Variants in PDSS1 observed in about 807,000 individuals in gnomAD.
PDSS1 encodes decaprenyl diphosphate synthase subunit 1.
PDSS1 carries 43 observed loss-of-function variants against 57.5 expected under a neutral mutation model. The ratio of observed to expected loss-of-function variants is 0.75; its 90% confidence interval spans 0.59 to 0.96. PDSS1 has a LOEUF of 0.96. Ranked by LOEUF, PDSS1 falls within the 50% of genes least tolerant of loss-of-function variation. The pLI, the probability that PDSS1 is intolerant of heterozygous loss-of-function variation, is 0.00. For missense variants in PDSS1, 438 were observed against 527.8 expected (o/e 0.83, Z 1.67); for synonymous variants, 175 against 191.3 (o/e 0.91, Z 0.70).
chr10:26,742,126 C>G (rs908614444), intron 10 of PDSS1, among the ~76,000 whole-genome samples: 1 of 152,252 alleles, frequency 6.6e-6, no homozygotes, highest in African/African-American at 2.4e-5. Context: ...ATCCGCCCAC[C>G]TCGGCCTCCC....
chr10:26,742,948 T>TCATCCATGTCCC (rs1326132313), intron 11 of PDSS1, among the ~76,000 whole-genome samples: 1 of 152,184 alleles, frequency 6.6e-6, no homozygotes, highest in Non-Finnish European at 1.5e-5. Context: ...GGCTCCAGCC[T>TCATCCATGTCCC]CATCCATGTC....
At chr10:26,744,540 G>C (rs543995448) in intron 11 of PDSS1, among the ~76,000 whole-genome samples, 1 of 151,976 alleles carries the variant, frequency 6.6e-6, no homozygotes, top group Non-Finnish European at 1.5e-5. Flanking sequence ...ACAGGCACCC[G>C]CCACCACGCC....
intron 6 of PDSS1, among the ~76,000 whole-genome samples, chr10:26,721,494 T>C (rs1835784768): frequency 6.6e-6 from 1 of 152,094 alleles, no homozygotes; most frequent in Admixed American, 6.6e-5. Flanking sequence ...GCTGGTTTTA[T>C]TTGAACATAA....
intron 8 of PDSS1, among the ~76,000 whole-genome samples, chr10:26,732,547 C>T (rs1836248492): frequency 1.3e-5 from 2 of 152,204 alleles, no homozygotes; most frequent in South Asian, 4.1e-4. Flanking sequence ...AGAACAGTGT[C>T]TGGAGCCAGA....
At chr10:26,698,014 C>G (rs2132197137) in intron 1 of PDSS1, among the ~76,000 whole-genome samples, 174 bp downstream of exon 1, 1 of 151,790 alleles carries the variant, frequency 6.6e-6, no homozygotes, top group East Asian at 2.0e-4. Flanking sequence ...CGCGGTGGGA[C>G]GGAGCCGCGC....
At chr10:26,714,057 G>A (rs1383902875) in intron 5 of PDSS1, among the ~76,000 whole-genome samples, 1 of 152,106 alleles carries the variant, frequency 6.6e-6, no homozygotes, top group East Asian at 1.9e-4. Flanking sequence ...AATCCCAAGG[G>A]ATAATCCCGA....
At chr10:26,727,574 C>G (rs945302742) in intron 8 of PDSS1, among the ~76,000 whole-genome samples, 1 of 151,370 alleles carries the variant, frequency 6.6e-6, no homozygotes, top group Admixed American at 6.6e-5. Flanking sequence ...CAGCTCACTG[C>G]AACCTCCACC....
rs1279433333 is a variant in PDSS1, at chr10:26,705,372, G to A, written c.314G>A (p.Gly105Asp). Residue 105 changes from glycine to aspartate, a missense_variant, in exon 4 of 12, where the codon GGT becomes GAT. By Grantham distance (94) the Gly-to-Asp change is moderately conservative (BLOSUM62 -1). This residue lies in a region of PDSS1 where 284 missense variants were observed against 390.7 expected (regional missense o/e 0.73). Transcript: ENST00000376215. ...PFKLGWRDLK[G>D]LYEDIRKELL... ...AAACTCGGTTGGAGAGACTTGAAAGGTCTGTATGAGGACATTAGAAAGGTG... is the reference window on the plus strand; with the variant it reads ...AAACTCGGTTGGAGAGACTTGAAAGATCTGTATGAGGACATTAGAAAGGTG... 6.3e-7 allele frequency: 1 copy of A among 1,595,056 alleles called. No individual in the cohort carries two copies. The highest frequency in any genetic ancestry group is 8.6e-7 in the Non-Finnish European group (1 of 1,163,538).
intron 5 of PDSS1, among the ~76,000 whole-genome samples, chr10:26,713,286 G>A (rs940404739): frequency 1.3e-5 from 2 of 151,752 alleles, no homozygotes; most frequent in Admixed American, 6.6e-5. Flanking sequence ...GCAAGACTCC[G>A]TCTCAAAAAA....
chr10:26,701,943 A>G (rs966628745), intron 1 of PDSS1: 2 of 425,556 alleles, frequency 4.7e-6, no homozygotes, highest in Non-Finnish European at 4.7e-6. Flanking sequence ...AGTTCTTGGG[A>G]GCCCACCCTT....
intron 5 of PDSS1, among the ~76,000 whole-genome samples, chr10:26,716,286 T>G (rs147831108): frequency 6.6e-6 from 1 of 152,212 alleles, no homozygotes; most frequent in Non-Finnish European, 1.5e-5. Flanking sequence ...TATATTAGTA[T>G]GAACAGGGAA....
intron 11 of PDSS1, among the ~76,000 whole-genome samples, chr10:26,743,161 A>G (rs1836688353): frequency 6.6e-6 from 1 of 152,206 alleles, no homozygotes; most frequent in African/African-American, 2.4e-5. Flanking sequence ...TTCAGGGGCT[A>G]GTGGCTTGCT....
At chr10:26,742,652 T>G in intron 11 of PDSS1, 75 bp downstream of exon 11, 1 of 824,436 alleles carries the variant, frequency 1.2e-6, no homozygotes, top group Non-Finnish European at 2.1e-6. Context: ...AAATGTAACA[T>G]TAACTAAACA....
intron 1 of PDSS1, among the ~76,000 whole-genome samples, chr10:26,701,292 T>A (rs145510236): frequency 0.011 from 1,704 of 152,342 alleles, 19 homozygotes; most frequent in Non-Finnish European, 0.013. Context: ...GACATTTGCA[T>A]AAGTAACAAG....
At chr10:26,698,576 G>A (rs1834950788) in intron 1 of PDSS1, among the ~76,000 whole-genome samples, 1 of 152,190 alleles carries the variant, frequency 6.6e-6, no homozygotes. Context: ...CCTGTAAATG[G>A]ACACTGTGAG....
intron 4 of PDSS1, among the ~76,000 whole-genome samples, chr10:26,707,151 C>G (rs1835257959): frequency 6.6e-6 from 1 of 152,138 alleles, no homozygotes; most frequent in Non-Finnish European, 1.5e-5. Flanking sequence ...GGAGCATGCT[C>G]AGTGTGTTTA....
chr10:26,733,752 G>A (rs12266735), intron 8 of PDSS1, among the ~76,000 whole-genome samples: 2,836 of 152,108 alleles, frequency 0.019, 89 homozygotes, highest in African/African-American at 0.064. Context: ...GAGGTGGGAG[G>A]ATCACGAGCC....
Position 26,742,527 on chromosome 10 carries a change from C to CGG in PDSS1, c.1058_1059dup (p.Phe354GlyfsTer8). On this transcript the variant is annotated frameshift_variant, in exon 11 of 12. Coordinates refer to ENST00000376215, the MANE Select transcript of PDSS1 (RefSeq NM_014317.5). LOFTEE classifies it high-confidence loss of function. ...AGAAATGAATGCTATGATCATGCGA[C>CGG]GGTTCAGTTTGCCTGGAGATGTAGA... 1 of 1,612,308 alleles carries CGG rather than the reference C, an allele frequency of 6.2e-7. No individual in the cohort carries two copies. Among genetic ancestry groups the CGG allele is most frequent in the Non-Finnish European group, 8.5e-7 (1 of 1,178,900 alleles).
chr10:26,717,018 T>C (rs1324617153), intron 5 of PDSS1, among the ~76,000 whole-genome samples: 1 of 152,160 alleles, frequency 6.6e-6, no homozygotes, highest in Non-Finnish European at 1.5e-5. Context: ...CCCACCCTCA[T>C]GTTATGGATA....
Sources: gnomAD v4.1 joint callset for allele counts (sites outside exome capture counted in the v4.1 genomes callset) on GRCh38, gnomAD v4.1.1 for gene constraint, gnomAD v4.1.1 regional missense constraint, MANE v1.5 for transcripts, NCBI Gene and HGNC (gene_info 2026-07-23, HGNC 2026-07-21) for gene names.